The following TIAM1 variants were observed in gnomAD, a reference collection of about 807,000 sequenced individuals.
TIAM1 encodes the protein rho guanine nucleotide exchange factor TIAM1.
Under a neutral mutation model 163.5 loss-of-function variants are expected in TIAM1, and 65 were observed. The observed-to-expected ratio is 0.40, with a 90% CI of 0.33 to 0.49. The LOEUF (loss-of-function observed/expected upper bound fraction) is 0.49, where lower values mean the gene tolerates loss of function less well. Among genes scored for constraint, TIAM1 ranks in the 20% least tolerant of loss-of-function variants. The pLI is 0.77. For synonymous variants in TIAM1, 833 were observed against 810.1 expected, an observed-to-expected ratio of 1.03 and a Z score of -0.48; for missense variants, 1,789 against 2,044.7, an observed-to-expected ratio of 0.87 and a Z score of 2.41.
At chr21:31,333,769 C>A (rs1280898509) in intron 2 of TIAM1, among the ~76,000 whole-genome samples, 2 of 152,154 alleles carry the variant, frequency 1.3e-5, no homozygotes, top group East Asian at 1.9e-4. Flanking sequence ...GATGGTATAT[C>A]TTTTCTTCCC....
chr21:31,122,763 C>T (rs1041141909), intron 27 of TIAM1, among the ~76,000 whole-genome samples: 2 of 152,178 alleles, frequency 1.3e-5, no homozygotes, highest in Non-Finnish European at 2.9e-5. Context: ...CCTGAGTATT[C>T]AAGACAAAGC....
chr21:31,301,413 G>C (rs895553743), intron 2 of TIAM1, among the ~76,000 whole-genome samples: 1 of 152,112 alleles, frequency 6.6e-6, no homozygotes. Flanking sequence ...AGACACCATT[G>C]GGATTCTACA....
At chr21:31,356,654 A>G (rs888394103) in intron 2 of TIAM1, among the ~76,000 whole-genome samples, 1 of 152,230 alleles carries the variant, frequency 6.6e-6, no homozygotes, top group Non-Finnish European at 1.5e-5. Flanking sequence ...TAAACACTCA[A>G]TCTGCTGTTG....
intron 15 of TIAM1, among the ~76,000 whole-genome samples, chr21:31,179,980 A>T (rs2084939670): frequency 7.0e-6 from 1 of 142,936 alleles, no homozygotes; most frequent in African/African-American, 2.7e-5. Context: ...ATCTCAGCTC[A>T]CTGCAACCTC....
chr21:31,398,062 CT>C (rs2077102502), intron 2 of TIAM1, among the ~76,000 whole-genome samples: 1 of 151,236 alleles, frequency 6.6e-6, no homozygotes, highest in Non-Finnish European at 1.5e-5. Flanking sequence ...GACCTCCCCC[CT>C]ACAACCTCCC....
At chr21:31,150,989 G>A (rs903436894) in intron 19 of TIAM1, among the ~76,000 whole-genome samples, 11 of 152,130 alleles carry the variant, frequency 7.2e-5, no homozygotes, top group Non-Finnish European at 1.2e-4. Context: ...AACAGAAGAC[G>A]CTCATCATCG....
At chr21:31,301,107 C>A (rs934742189) in intron 2 of TIAM1, among the ~76,000 whole-genome samples, 3 of 152,124 alleles carry the variant, frequency 2.0e-5, no homozygotes, top group Admixed American at 6.5e-5. Context: ...TTGTTAACAA[C>A]CATACACAAC....
chr21:31,338,329 C>T (rs746359352), intron 2 of TIAM1, among the ~76,000 whole-genome samples: 7 of 152,306 alleles, frequency 4.6e-5, no homozygotes, highest in Non-Finnish European at 8.8e-5. Flanking sequence ...AGTCCACAGT[C>T]TCCTATTGTG....
At chr21:31,263,355 A>G (rs1287432369) in intron 4 of TIAM1, among the ~76,000 whole-genome samples, 5 of 152,154 alleles carry the variant, frequency 3.3e-5, no homozygotes, top group Non-Finnish European at 7.3e-5. Flanking sequence ...CCAGGATGCA[A>G]ATGCACTTCT....
intron 2 of TIAM1, among the ~76,000 whole-genome samples, chr21:31,441,899 T>A (rs201438266): frequency 2.8e-4 from 26 of 91,930 alleles, no homozygotes; most frequent in African/African-American, 6.5e-4. Flanking sequence ...AAAAAAAAAA[T>A]ACAAAAATTA....
chr21:31,321,656 T>C (rs1443538754), intron 2 of TIAM1, among the ~76,000 whole-genome samples: 2 of 151,554 alleles, frequency 1.3e-5, no homozygotes, highest in African/African-American at 4.8e-5. Flanking sequence ...CAGCCTCTTC[T>C]GTGTTTTAAA....
intron 13 of TIAM1, among the ~76,000 whole-genome samples, chr21:31,189,274 CAA>C (rs2085447511): frequency 1.3e-5 from 2 of 151,872 alleles, no homozygotes; most frequent in Non-Finnish European, 2.9e-5. Flanking sequence ...AGACTGGTCT[CAA>C]ACTCCTGACT....
At chr21:31,305,585 T>G (rs2074677318) in intron 2 of TIAM1, among the ~76,000 whole-genome samples, 2 of 152,070 alleles carry the variant, frequency 1.3e-5, no homozygotes, top group South Asian at 4.1e-4. Context: ...CCCTCCTAGC[T>G]CCCTGGAAAT....
At chr21:31,144,561 A>C (rs2083015363) in intron 20 of TIAM1, among the ~76,000 whole-genome samples, 1 of 152,062 alleles carries the variant, frequency 6.6e-6, no homozygotes, top group Admixed American at 6.6e-5. Flanking sequence ...GGCATGGTGG[A>C]TCACACCTGT....
chr21:31,311,030 C>T (rs2074905310), intron 2 of TIAM1, among the ~76,000 whole-genome samples: 1 of 152,196 alleles, frequency 6.6e-6, no homozygotes, highest in Non-Finnish European at 1.5e-5. Context: ...TCAGCAACAC[C>T]TGCATTGGCT....
intron 1 of TIAM1, among the ~76,000 whole-genome samples, chr21:31,546,148 C>G (rs1402108049): frequency 4.0e-5 from 6 of 149,766 alleles, no homozygotes; most frequent in African/African-American, 1.5e-4. Context: ...AATGGGTATT[C>G]TGGCACACTT....
intron 2 of TIAM1, among the ~76,000 whole-genome samples, chr21:31,440,667 G>GGTCA (rs1316282519): frequency 2.6e-5 from 4 of 152,176 alleles, no homozygotes; most frequent in African/African-American, 4.8e-5. Context: ...CGGATCATGA[G>GGTCA]GTCAGAGCAT....
At chr21:31,392,716 G>A (rs1182446381) in intron 2 of TIAM1, among the ~76,000 whole-genome samples, 2 of 151,922 alleles carry the variant, frequency 1.3e-5, no homozygotes, top group African/African-American at 4.8e-5. Flanking sequence ...TCAAGGCAAG[G>A]GCAGATCCCT....
intron 8 of TIAM1, among the ~76,000 whole-genome samples, chr21:31,218,659 T>C (rs1335412663): frequency 6.6e-6 from 1 of 152,068 alleles, no homozygotes; most frequent in Admixed American, 6.5e-5. Flanking sequence ...CAGTAGGGCA[T>C]GGATTGGGCT....
Sources: gnomAD v4.1 joint callset for allele counts (sites outside exome capture counted in the v4.1 genomes callset) on GRCh38, gnomAD v4.1.1 for gene constraint, MANE v1.5 for transcripts, NCBI Gene and HGNC (gene_info 2026-07-23, HGNC 2026-07-21) for gene names.